Variants in ACER2 observed in about 807,000 individuals in gnomAD.
ACER2 encodes alkaline ceramidase 2, also known as alkCDase 2.
Under a neutral mutation model 34.7 loss-of-function variants are expected in ACER2, and 26 were observed. That is an observed-to-expected ratio of 0.75 (90% CI 0.55 to 1.04). The LOEUF is 1.04. Ranked by LOEUF, ACER2 falls within the 50% of genes least tolerant of loss-of-function variation. The pLI is 0.00. For synonymous variants in ACER2, 138 were observed against 132.1 expected (o/e 1.04, Z -0.31); for missense variants, 352 against 340.8 (o/e 1.03, Z -0.26).
intron 3 of ACER2, among the ~76,000 whole-genome samples, chr9:19,434,179 G>A (rs1484604943): frequency 6.6e-6 from 1 of 151,382 alleles, no homozygotes; most frequent in African/African-American, 2.4e-5. Flanking sequence ...ATGATGGGCG[G>A]CCGGGCAGAG....
chr9:19,429,580 C>T (rs1490521270), intron 3 of ACER2, among the ~76,000 whole-genome samples: 1 of 152,196 alleles, frequency 6.6e-6, no homozygotes, highest in Non-Finnish European at 1.5e-5. Context: ...GATACTCCCA[C>T]CTTGGCCTCC....
chr9:19,433,683 T>C (rs201514627), intron 3 of ACER2, among the ~76,000 whole-genome samples: 14 of 152,150 alleles, frequency 9.2e-5, no homozygotes, highest in East Asian at 7.7e-4. Flanking sequence ...ACCTCCCAGA[T>C]GGGGTGGTGG....
At chr9:19,448,760 G>A (rs190984122) in intron 5 of ACER2, among the ~76,000 whole-genome samples, 1 of 152,092 alleles carries the variant, frequency 6.6e-6, no homozygotes, top group Non-Finnish European at 1.5e-5. Flanking sequence ...TAGTATTTTT[G>A]TTGGGCATCT....
chr9:19,448,683 T>C (rs1374382620), intron 5 of ACER2, among the ~76,000 whole-genome samples: 1 of 152,242 alleles, frequency 6.6e-6, no homozygotes, highest in African/African-American at 2.4e-5. Flanking sequence ...TGGAAACTCT[T>C]AAATCTCCAT....
intron 1 of ACER2, among the ~76,000 whole-genome samples, chr9:19,420,650 C>T (rs1318146653): frequency 6.6e-6 from 1 of 152,178 alleles, no homozygotes; most frequent in Non-Finnish European, 1.5e-5. Flanking sequence ...AGTACACCAG[C>T]TAGTGCCTTA....
rs532158919 is a variant in ACER2, at chr9:19,413,325, G to A, written c.108+4133G>A. 5.9e-5 allele frequency among the ~76,000 whole-genome samples: 9 copies of A among 152,254 alleles called. No individual in the cohort carries two copies. In the South Asian group the frequency reaches 6.2e-4, roughly 11 times the overall value. ...AAGATTTAAGACCCCCTGGCTGGGC[G>A]CGGTGGCTCACGCCTGTAATCCCAG... On this transcript the variant is annotated intron_variant, in intron 1 of 5. Coordinates refer to ENST00000340967, the MANE Select transcript of ACER2 (RefSeq NM_001010887.3).
intron 1 of ACER2, among the ~76,000 whole-genome samples, chr9:19,414,807 C>G (rs956216657): frequency 6.7e-6 from 1 of 150,080 alleles, no homozygotes; most frequent in Non-Finnish European, 1.5e-5. Context: ...GATCGCGCCA[C>G]TGCACTCCAA....
intron 4 of ACER2, among the ~76,000 whole-genome samples, chr9:19,437,099 T>G (rs1467458091): frequency 1.3e-5 from 2 of 152,200 alleles, no homozygotes; most frequent in African/African-American, 4.8e-5. Flanking sequence ...TTCACCCTCT[T>G]GTGTTCAGCT....
At chr9:19,447,460 C>G (rs1831408118) in intron 5 of ACER2, among the ~76,000 whole-genome samples, 1 of 152,168 alleles carries the variant, frequency 6.6e-6, no homozygotes, top group African/African-American at 2.4e-5. Flanking sequence ...TCAAACAGCA[C>G]AAGTTGGAGT....
intron 3 of ACER2, among the ~76,000 whole-genome samples, chr9:19,429,757 G>A (rs1235952207): frequency 2.6e-5 from 4 of 152,154 alleles, no homozygotes; most frequent in Non-Finnish European, 4.4e-5. Context: ...CGCCCTGCTA[G>A]CATTCTTCCT....
At chr9:19,440,781 C>A (rs1025225414) in intron 4 of ACER2, among the ~76,000 whole-genome samples, 1 of 152,142 alleles carries the variant, frequency 6.6e-6, no homozygotes, top group Non-Finnish European at 1.5e-5. Flanking sequence ...CCTAAACTTA[C>A]GTCTCCAACC....
At chr9:19,448,986 A>G (rs910273784) in intron 5 of ACER2, among the ~76,000 whole-genome samples, 6 of 152,154 alleles carry the variant, frequency 3.9e-5, no homozygotes, top group African/African-American at 1.4e-4. Flanking sequence ...TAAAAATGCA[A>G]AAAATTAGCC....
At chr9:19,422,484 A>G (rs905567436) in intron 1 of ACER2, among the ~76,000 whole-genome samples, 8 of 152,216 alleles carry the variant, frequency 5.3e-5, no homozygotes, top group Non-Finnish European at 1.2e-4. Context: ...ATAAAATAAT[A>G]TCATTTTAAA....
intron 2 of ACER2, 31 bp from the exon 3 acceptor site, chr9:19,424,669 A>C (rs199774394): frequency 6.2e-7 from 1 of 1,611,532 alleles, no homozygotes; most frequent in Non-Finnish European, 8.5e-7. Flanking sequence ...TTCTGTGGTG[A>C]CCTTTTTTTA....
chr9:19,438,311 C>T (rs1295233574), intron 4 of ACER2, among the ~76,000 whole-genome samples: 1 of 152,204 alleles, frequency 6.6e-6, no homozygotes, highest in African/African-American at 2.4e-5. Flanking sequence ...CTTTCCTTTT[C>T]CTTGCCACTA....
intron 3 of ACER2, 80 bp from the exon 4 acceptor site, chr9:19,434,849 TTGTATTTCTGGCAATGCC>T (rs1456505416): frequency 6.7e-7 from 1 of 1,482,678 alleles, no homozygotes; most frequent in Admixed American, 1.9e-5. Context: ...TCTTTTCAGC[TTGTATTTCTGGCAATGCC>T]TGTACCTTGC....
At chr9:19,446,494 A>T in intron 5 of ACER2, 76 bp downstream of exon 5, 2 of 1,599,822 alleles carry the variant, frequency 1.3e-6, no homozygotes, top group Non-Finnish European at 1.7e-6. Flanking sequence ...TCACCCTGCA[A>T]GTGGTGCACA....
intron 4 of ACER2, among the ~76,000 whole-genome samples, chr9:19,442,041 G>A (rs1831172669): frequency 6.6e-6 from 1 of 152,118 alleles, no homozygotes; most frequent in African/African-American, 2.4e-5. Context: ...CCAGCTTCCT[G>A]AGAAGTATTT....
chr9:19,414,562 C>T (rs1234406360), intron 1 of ACER2, among the ~76,000 whole-genome samples: 1 of 152,112 alleles, frequency 6.6e-6, no homozygotes, highest in African/African-American at 2.4e-5. Flanking sequence ...GCTGGCAGAT[C>T]ACTTGAGCCC....
Sources: allele counts gnomAD v4.1 joint callset (sites outside exome capture counted in the v4.1 genomes callset), GRCh38; gene constraint gnomAD v4.1.1; transcripts MANE v1.5; gene names NCBI Gene and HGNC (gene_info 2026-07-23, HGNC 2026-07-21).